CPVL: variants seen among roughly 807,000 people sequenced by gnomAD.
The protein encoded by CPVL is carboxypeptidase vitellogenic like.
CPVL carries 51 observed loss-of-function variants against 63.7 expected under a neutral mutation model. That is an observed-to-expected ratio of 0.80 (90% CI 0.64 to 1.01). The LOEUF (loss-of-function observed/expected upper bound fraction) is 1.01. Among genes scored for constraint, CPVL ranks in the 50% least tolerant of loss-of-function variants. The pLI is 0.00. For synonymous variants in CPVL, 195 were observed against 206.0 expected, an observed-to-expected ratio of 0.95 and a Z score of 0.46; for missense variants, 530 against 573.1, an observed-to-expected ratio of 0.92 and a Z score of 0.77.
At chr7:29,043,672 G>C (rs1789342425) in intron 11 of CPVL, among the ~76,000 whole-genome samples, 1 of 152,150 alleles carries the variant, frequency 6.6e-6, no homozygotes, top group Non-Finnish European at 1.5e-5. Flanking sequence ...CCAATGACAA[G>C]ACTTGGGAAC....
intron 12 of CPVL, chr7:29,000,945 G>C (rs907805634): frequency 6.6e-6 from 1 of 152,148 alleles, no homozygotes; most frequent in Non-Finnish European, 1.5e-5. Context: ...GTAGGGTAGT[G>C]ACATGCTTAT....
chr7:29,090,785 A>C (rs1230708222), intron 6 of CPVL, among the ~76,000 whole-genome samples: 1 of 152,244 alleles, frequency 6.6e-6, no homozygotes, highest in Non-Finnish European at 1.5e-5. Context: ...GTTCGTGAAA[A>C]AGTTTTATTT....
intron 5 of CPVL, among the ~76,000 whole-genome samples, chr7:29,178,999 T>C (rs980521408): frequency 1.6e-4 from 24 of 152,098 alleles, no homozygotes. Context: ...TTGCACCTCC[T>C]CAGTTATGGT....
intron 5 of CPVL, among the ~76,000 whole-genome samples, chr7:29,152,589 C>T (rs1793744295): frequency 6.6e-6 from 1 of 152,122 alleles, no homozygotes; most frequent in Non-Finnish European, 1.5e-5. Context: ...ATATAAATTG[C>T]CTGGGCTTAG....
At chr7:29,011,085 C>T (rs913284518) in intron 12 of CPVL, 1 of 152,198 alleles carries the variant, frequency 6.6e-6, no homozygotes, top group African/African-American at 2.4e-5. Context: ...AAAATTCAAG[C>T]CTACTTGATA....
Position 29,013,750 on chromosome 7 carries a change from G to A in CPVL, c.1320+16827C>T, listed in dbSNP as rs533691424. Among the ~76,000 whole-genome samples, 4 of 152,350 alleles carry A rather than the reference G, an allele frequency of 2.6e-5. No individual in the cohort carries two copies. The South Asian group carries it at 6.2e-4, about 24-fold the overall frequency. ...AGGATGTACTTGCTGCTCCACTGCA[G>A]GGAGTGCATTCAGCAGACAGCCCCC... is the stretch of plus-strand genomic sequence containing the variant. On this transcript the variant is annotated intron_variant, in intron 12 of 12. Coordinates refer to ENST00000265394, the MANE Select transcript of CPVL (RefSeq NM_031311.5).
intron 11 of CPVL, among the ~76,000 whole-genome samples, chr7:29,060,194 C>G (rs1368936869): frequency 2.1e-5 from 2 of 94,692 alleles, no homozygotes; most frequent in East Asian, 4.5e-4. Context: ...ACCTTCTAAC[C>G]ATCAGGCACT....
At chr7:29,100,506 A>G (rs906947586) in intron 3 of CPVL, among the ~76,000 whole-genome samples, 3 of 151,882 alleles carry the variant, frequency 2.0e-5, no homozygotes, top group Non-Finnish European at 4.4e-5. Context: ...GTCCTCCCCT[A>G]TCCTCCACCC....
At chr7:29,107,558 G>A (rs1787846500) in intron 3 of CPVL, among the ~76,000 whole-genome samples, 1 of 152,184 alleles carries the variant, frequency 6.6e-6, no homozygotes, top group African/African-American at 2.4e-5. Flanking sequence ...TAGAATCCCT[G>A]TATCCAAACC....
chr7:29,180,075 TCACA>T (rs1330811522), intron 5 of CPVL, among the ~76,000 whole-genome samples: 1 of 152,232 alleles, frequency 6.6e-6, no homozygotes, highest in African/African-American at 2.4e-5. Flanking sequence ...TTCCAAATAT[TCACA>T]TATTATGCTT....
chr7:29,194,943 T>C, intron 1 of CPVL: 1 of 1,572,678 alleles, frequency 6.4e-7, no homozygotes, highest in Non-Finnish European at 8.6e-7. Flanking sequence ...CGCGCGGAGA[T>C]GGCAGCGTCC....
At chr7:29,188,332 A>G (rs1042106872) in intron 1 of CPVL, among the ~76,000 whole-genome samples, 5 of 152,218 alleles carry the variant, frequency 3.3e-5, no homozygotes, top group African/African-American at 1.2e-4. Flanking sequence ...CTAATAAATG[A>G]CAAGCTAGGA....
At chr7:29,007,970 G>A (rs1404233811) in intron 12 of CPVL, among the ~76,000 whole-genome samples, 3 of 152,220 alleles carry the variant, frequency 2.0e-5, no homozygotes, top group Non-Finnish European at 4.4e-5. Context: ...AAGAGTTGAA[G>A]TGTGAAACCC....
intron 6 of CPVL, among the ~76,000 whole-genome samples, chr7:29,089,294 G>A (rs1312988154): frequency 3.3e-5 from 5 of 152,182 alleles, no homozygotes; most frequent in African/African-American, 9.7e-5. Context: ...ACATGATCAT[G>A]CATTGTAGAC....
Position 28,995,613 on chromosome 7 carries a change from C to A in CPVL, c.*159G>T, listed in dbSNP as rs1346203686. 1.7e-6 allele frequency: 1 copy of A among 605,496 alleles called. No individual in the cohort carries two copies. The highest frequency in any genetic ancestry group is 3.5e-5 in the Admixed American group (1 of 28,746). 37.5% of individuals were successfully genotyped at this position (605,496 alleles called of 1,614,324 possible). On this transcript the variant is annotated 3_prime_UTR_variant, in exon 13 of 13. Transcript: ENST00000265394. ...TTAATTTTGTAGTAAACATCTCCCCCCAAAAACAAAAGCTCACTTGTTTCA... is the reference window on the plus strand; with the variant it reads ...TTAATTTTGTAGTAAACATCTCCCCACAAAAACAAAAGCTCACTTGTTTCA...
At chr7:29,095,250 G>T in intron 4 of CPVL, 108 bp from the exon 5 acceptor site, 1 of 877,542 alleles carries the variant, frequency 1.1e-6, no homozygotes, top group Non-Finnish European at 1.9e-6. Flanking sequence ...TGAGCTGTTG[G>T]CGTACCCTCT....
chr7:29,158,035 A>G (rs1367182847), intron 5 of CPVL, among the ~76,000 whole-genome samples: 2 of 152,202 alleles, frequency 1.3e-5, no homozygotes, highest in South Asian at 4.1e-4. Context: ...AAAAGGCAAG[A>G]TGGCAGGGAG....
chr7:29,064,382 G>A (rs913490898), intron 10 of CPVL, 148 bp from the exon 11 acceptor site: 21 of 509,092 alleles, frequency 4.1e-5, no homozygotes, highest in South Asian at 1.2e-4. Flanking sequence ...ATTTTAACTC[G>A]GAGGTTTTGA....
intron 11 of CPVL, among the ~76,000 whole-genome samples, chr7:29,033,646 G>T (rs746154146): frequency 2.6e-5 from 4 of 152,222 alleles, no homozygotes; most frequent in Non-Finnish European, 5.9e-5. Flanking sequence ...AGACAGAGAT[G>T]AATGCAGCTT....
Sources: allele counts gnomAD v4.1 joint callset (sites outside exome capture counted in the v4.1 genomes callset), GRCh38; gene constraint gnomAD v4.1.1; transcripts MANE v1.5; gene names NCBI Gene and HGNC (gene_info 2026-07-23, HGNC 2026-07-21).